CAMTA1: variants seen among roughly 807,000 people sequenced by gnomAD.
CAMTA1 encodes calmodulin binding transcription activator 1, also known as calmodulin-binding transcription activator 1.
A neutral mutation model predicts 170.9 loss-of-function variants in CAMTA1; 27 were observed. That is an observed-to-expected ratio of 0.16 (90% CI 0.12 to 0.22). The LOEUF (loss-of-function observed/expected upper bound fraction) is 0.22, where lower values mean the gene tolerates loss of function less well. CAMTA1 is among the 10% of genes least tolerant of loss of function. The probability of loss-of-function intolerance (pLI) is 1.00; values close to 1 mark genes in which losing one functional copy is unlikely to be tolerated. For synonymous variants in CAMTA1, 833 were observed against 891.5 expected (o/e 0.93, Z 1.17); for missense variants, 1,619 against 2,217.2 (o/e 0.73, Z 5.42).
intron 4 of CAMTA1, among the ~76,000 whole-genome samples, chr1:7,193,931 C>T (rs1655028497): frequency 6.6e-6 from 1 of 152,146 alleles, no homozygotes. Context: ...TGACAGGGTT[C>T]TTGAAGACAG....
chr1:6,850,121 G>A (rs1659838619), intron 3 of CAMTA1, among the ~76,000 whole-genome samples: 1 of 151,346 alleles, frequency 6.6e-6, no homozygotes, highest in Admixed American at 6.6e-5. Context: ...TGTAGAAATT[G>A]AAAATAGTAA....
intron 10 of CAMTA1, among the ~76,000 whole-genome samples, chr1:7,677,340 C>T (rs973775790): frequency 3.3e-5 from 5 of 152,328 alleles, no homozygotes; most frequent in African/African-American, 9.6e-5. Flanking sequence ...CCTGCCCTCA[C>T]TCGGAGGACA....
intron 4 of CAMTA1, among the ~76,000 whole-genome samples, chr1:7,133,010 T>C (rs1469201609): frequency 6.6e-6 from 1 of 152,238 alleles, no homozygotes; most frequent in Non-Finnish European, 1.5e-5. Context: ...TTTTAAATAT[T>C]TTAACATATG....
intron 5 of CAMTA1, among the ~76,000 whole-genome samples, chr1:7,296,843 T>A (rs1483656108): frequency 6.8e-6 from 1 of 147,798 alleles, no homozygotes. Context: ...GGAGAGAAAA[T>A]GACTAAAGAC....
chr1:6,960,194 T>C (rs1690128663), intron 3 of CAMTA1, among the ~76,000 whole-genome samples: 1 of 152,236 alleles, frequency 6.6e-6, no homozygotes, highest in South Asian at 2.1e-4. Context: ...TGATGATTTT[T>C]GTTCTTGGAG....
chr1:7,487,696 T>G (rs1270302288), intron 6 of CAMTA1, among the ~76,000 whole-genome samples: 3 of 152,206 alleles, frequency 2.0e-5, no homozygotes. Flanking sequence ...GCTCAGTTCT[T>G]GACTGAAGAG....
At position 7,293,539 on chromosome 1, in the gene CAMTA1, T is replaced by C. The variant is rs1673468501; in HGVS notation, c.438+43913T>C. On this transcript the variant is annotated intron_variant, in intron 5 of 22. Transcript: ENST00000303635. This position sits in a 1 kb window ranked among gnomAD's most constrained non-coding sequence, Gnocchi z 4.1. ...TCCCGGTTTTGTTTGTCATTTGCTT[T>C]CTTGCCATCCACTGGGAAATGTATT... Among the ~76,000 whole-genome samples the C allele has an allele frequency of 6.6e-6, 1 of 152,254 alleles. No individual in the cohort carries two copies. The highest frequency in any genetic ancestry group is 2.4e-5 in the African/African-American group (1 of 41,460).
At chr1:7,703,557 C>CA (rs769424297) in intron 11 of CAMTA1, among the ~76,000 whole-genome samples, 9 of 152,122 alleles carry the variant, frequency 5.9e-5, no homozygotes, top group Admixed American at 4.6e-4. Context: ...AAGGGCTCTG[C>CA]AAATGTTGGG....
rs1438653367 is a variant in CAMTA1, at chr1:7,748,928, A to T, written c.4689+1147A>T. 6.6e-6 allele frequency among the ~76,000 whole-genome samples: 1 copy of T among 152,178 alleles called. No individual in the cohort carries two copies. The highest frequency in any genetic ancestry group is 1.5e-5 in the Non-Finnish European group (1 of 68,032). The stretch of plus-strand genomic sequence containing the variant: ...ATGCACTAGATTTTTTAGGTGCCCC[A>T]TCTCATTTCCTTTTTACAATTATTT... On this transcript the variant is annotated intron_variant, in intron 19 of 22. Transcript: ENST00000303635. The surrounding 1 kb of genome is among the most constrained non-coding windows in gnomAD (Gnocchi z 4.7).
intron 5 of CAMTA1, among the ~76,000 whole-genome samples, chr1:7,337,290 C>T (rs1010931621): frequency 6.6e-6 from 1 of 152,166 alleles, no homozygotes; most frequent in African/African-American, 2.4e-5. Flanking sequence ...GCACCCCTTG[C>T]GAGGTTAGGA....
At chr1:7,245,608 A>G (rs182894304) in intron 4 of CAMTA1, among the ~76,000 whole-genome samples, 1 of 152,200 alleles carries the variant, frequency 6.6e-6, no homozygotes, top group East Asian at 1.9e-4. Context: ...TTTGCTCGCT[A>G]TTAGTCTCTT....
In CAMTA1 at chr1:7,592,243, C is replaced by T. The variant is rs1178408718; in HGVS notation, c.511-48157C>T. On this transcript the variant is annotated intron_variant, in intron 6 of 22. Transcript: ENST00000303635. The surrounding 1 kb of genome is among the most constrained non-coding windows in gnomAD (Gnocchi z 4.6). ...TCAGCTCAGTGGCCCTCTTTGAAGG[C>T]CCCTTCCCCAACCACGCCCATCACT... Among the ~76,000 whole-genome samples, 1 of 152,130 alleles carries T rather than the reference C, an allele frequency of 6.6e-6. No individual in the cohort carries two copies. The highest frequency in any genetic ancestry group is 2.4e-5 in the African/African-American group (1 of 41,428).
chr1:7,548,192 G>A (rs1009956335), intron 6 of CAMTA1, among the ~76,000 whole-genome samples: 5 of 152,218 alleles, frequency 3.3e-5, no homozygotes, highest in African/African-American at 9.7e-5. Context: ...TATGGGTACT[G>A]AGGAAGCACA....
intron 4 of CAMTA1, among the ~76,000 whole-genome samples, chr1:7,127,447 T>C (rs532200160): frequency 6.6e-6 from 1 of 152,076 alleles, no homozygotes; most frequent in South Asian, 2.1e-4. Context: ...CCTGACTTTC[T>C]TCACTCATCG....
intron 5 of CAMTA1, among the ~76,000 whole-genome samples, chr1:7,385,822 C>G (rs1211745034): frequency 6.6e-6 from 1 of 152,216 alleles, no homozygotes; most frequent in Non-Finnish European, 1.5e-5. Context: ...GGCCTCCCAG[C>G]ACTGGGCGCC....
At chr1:6,786,402 A>G (rs924023159) in intron 1 of CAMTA1, among the ~76,000 whole-genome samples, 2 of 151,820 alleles carry the variant, frequency 1.3e-5, no homozygotes, top group African/African-American at 4.8e-5. Flanking sequence ...CTTGCCCTTT[A>G]CCTTCCGTGA....
intron 5 of CAMTA1, among the ~76,000 whole-genome samples, chr1:7,271,676 C>G (rs1669835275): frequency 6.6e-6 from 1 of 151,028 alleles, no homozygotes; most frequent in African/African-American, 2.4e-5. Context: ...TAATATGAGA[C>G]CCCAAAAAGG....
At chr1:7,415,586 G>T (rs1244626891) in intron 5 of CAMTA1, among the ~76,000 whole-genome samples, 1 of 151,856 alleles carries the variant, frequency 6.6e-6, no homozygotes, top group South Asian at 2.1e-4. Context: ...TGCAACCCCT[G>T]CCTTTTTTTG....
intron 3 of CAMTA1, among the ~76,000 whole-genome samples, chr1:7,081,667 G>A (rs1640026367): frequency 6.6e-6 from 1 of 152,250 alleles, no homozygotes; most frequent in Non-Finnish European, 1.5e-5. Flanking sequence ...GGCCATGACA[G>A]TGGAGAAAGC....
Sources: gnomAD v4.1 joint callset for allele counts (sites outside exome capture counted in the v4.1 genomes callset) on GRCh38, gnomAD v4.1.1 for gene constraint, Gnocchi (gnomAD v3.1) non-coding constraint, MANE v1.5 for transcripts, NCBI Gene and HGNC (gene_info 2026-07-23, HGNC 2026-07-21) for gene names.